The following TTLL9 variants were observed in gnomAD, a reference collection of about 807,000 sequenced individuals.
The protein encoded by TTLL9 is probable tubulin polyglutamylase TTLL9.
TTLL9 carries 47 observed loss-of-function variants against 65.6 expected under a neutral mutation model. The ratio of observed to expected loss-of-function variants is 0.72; its 90% CI spans 0.57 to 0.91. TTLL9 has a LOEUF of 0.91. Ranked by LOEUF, TTLL9 falls within the 40% of genes least tolerant of loss-of-function variation. The pLI is 0.00. For missense variants in TTLL9, 537 were observed against 568.8 expected, an observed-to-expected ratio of 0.94 and a Z score of 0.57; for synonymous variants, 179 against 204.8, an observed-to-expected ratio of 0.87 and a Z score of 1.07.
intron 2 of TTLL9, among the ~76,000 whole-genome samples, chr20:31,885,395 A>G (rs1392457433): frequency 2.6e-5 from 4 of 152,262 alleles, no homozygotes; most frequent in Admixed American, 2.6e-4. Flanking sequence ...TGCATGGTCA[A>G]TTGAATTGTG....
intron 6 of TTLL9, 23 bp from the exon 7 acceptor site, chr20:31,919,840 CT>C (rs144893358): frequency 0.04 from 63,513 of 1,574,712 alleles, 1,767 homozygotes; most frequent in African/African-American, 0.12. Flanking sequence ...TAAGAGCTGG[CT>C]TTCTGCCCCC....
At chr20:31,920,042 C>T in intron 7 of TTLL9, 110 bp downstream of exon 7, 1 of 1,010,436 alleles carries the variant, frequency 9.9e-7, no homozygotes, top group Non-Finnish European at 1.4e-6. Flanking sequence ...AGAAACTCTG[C>T]CCACAGGTCT....
intron 2 of TTLL9, among the ~76,000 whole-genome samples, chr20:31,886,666 A>G (rs1186350661): frequency 6.6e-6 from 1 of 152,180 alleles, no homozygotes; most frequent in East Asian, 1.9e-4. Flanking sequence ...TTAAAAATAC[A>G]AAATTGGCTG....
chr20:31,879,868 C>T (rs951916267), intron 2 of TTLL9: 16 of 1,550,358 alleles, frequency 1.0e-5, no homozygotes, highest in East Asian at 2.4e-5. Flanking sequence ...GATCTGGCCC[C>T]TGGGGAATCG....
chr20:31,911,133 C>T (rs960300373), intron 6 of TTLL9, among the ~76,000 whole-genome samples: 1 of 151,952 alleles, frequency 6.6e-6, no homozygotes, highest in Non-Finnish European at 1.5e-5. Flanking sequence ...CGAGATCGCC[C>T]CACTGCACTC....
At chr20:31,893,871 C>G (rs569779975) in intron 3 of TTLL9, among the ~76,000 whole-genome samples, 1 of 152,162 alleles carries the variant, frequency 6.6e-6, no homozygotes, top group Non-Finnish European at 1.5e-5. Flanking sequence ...CCATCTCTTT[C>G]TTGAACTTCA....
At chr20:31,879,676 A>G in intron 2 of TTLL9, 1 of 698,180 alleles carries the variant, frequency 1.4e-6, no homozygotes. Context: ...AAGGTTGAGG[A>G]AGTCGGGGGA....
chr20:31,884,927 GC>G (rs923423562), intron 2 of TTLL9, among the ~76,000 whole-genome samples: 1 of 152,092 alleles, frequency 6.6e-6, no homozygotes, highest in Admixed American at 6.6e-5. Flanking sequence ...TTTACTATCA[GC>G]AGGTAGAAAA....
intron 4 of TTLL9, chr20:31,901,500 T>C (rs1310475432): frequency 6.6e-6 from 1 of 152,188 alleles, no homozygotes; most frequent in Non-Finnish European, 1.5e-5. Flanking sequence ...ATCATGAAAA[T>C]GGTGTGCAAA....
intron 4 of TTLL9, among the ~76,000 whole-genome samples, chr20:31,900,790 G>T (rs1182104055): frequency 6.6e-6 from 1 of 152,166 alleles, no homozygotes; most frequent in East Asian, 1.9e-4. Flanking sequence ...GCAGGTGGGG[G>T]TGGTGTAGGG....
intron 10 of TTLL9, among the ~76,000 whole-genome samples, chr20:31,932,781 G>C (rs941498447): frequency 9.9e-5 from 15 of 152,110 alleles, no homozygotes; most frequent in African/African-American, 3.4e-4. Context: ...TGGATTACTT[G>C]AGGTCAGGAG....
intron 2 of TTLL9, among the ~76,000 whole-genome samples, chr20:31,872,330 A>G (rs926086620): frequency 4.6e-5 from 7 of 152,042 alleles, no homozygotes; most frequent in African/African-American, 1.4e-4. Context: ...GGGAGGATCA[A>G]TTGAGCCCAG....
At chr20:31,940,305 T>A (rs1325430968) in intron 14 of TTLL9, 1 of 152,270 alleles carries the variant, frequency 6.6e-6, no homozygotes, top group Non-Finnish European at 1.5e-5. Flanking sequence ...TTTCCGTTTT[T>A]TAAATTTGCA....
At chr20:31,927,547 T>C (rs1377599214) in intron 10 of TTLL9, among the ~76,000 whole-genome samples, 1 of 150,142 alleles carries the variant, frequency 6.7e-6, no homozygotes, top group Non-Finnish European at 1.5e-5. Context: ...GAAATGTTAG[T>C]GGATACAGAG....
At chr20:31,908,848 A>C (rs2063600518) in intron 5 of TTLL9, 146 bp downstream of exon 5, 1 of 694,138 alleles carries the variant, frequency 1.4e-6, no homozygotes, top group African/African-American at 1.8e-5. Flanking sequence ...AGACCTATGG[A>C]GAGCCAAATG....
chr20:31,930,440 A>G (rs2063989773), intron 10 of TTLL9, among the ~76,000 whole-genome samples: 1 of 152,276 alleles, frequency 6.6e-6, no homozygotes, highest in East Asian at 1.9e-4. Flanking sequence ...TATATCTTCT[A>G]TTACTAGGAA....
chr20:31,934,774 A>G lies in TTLL9; in HGVS notation c.890A>G (p.Asp297Gly). 1.2e-6 allele frequency: 2 copies of G among 1,613,640 alleles called. No individual in the cohort carries two copies. The highest frequency in any genetic ancestry group is 1.7e-6 in the Non-Finnish European group (2 of 1,180,024). Reference sequence around the variant, plus strand: ...GAGGCAGTGGAGACACTCTTCAGGGACATCGACAACATCTTTGTCAAAAGC... The same window carrying G: ...GAGGCAGTGGAGACACTCTTCAGGGGCATCGACAACATCTTTGTCAAAAGC... The part of the protein sequence containing the change: ...GPEAVETLFR[D>G]IDNIFVKSLQ... The change falls in exon 12 of 15, where the codon GAC (aspartate) becomes GGC (glycine). Residue 297 changes from aspartate to glycine, a missense_variant. Asp to Gly is a moderately conservative substitution (Grantham distance 94, BLOSUM62 -1). Around this residue, in one of 3 missense-constraint regions of TTLL9, gnomAD observed 205 missense variants for 225.9 expected, o/e 0.91. Transcript: ENST00000535842.
In TTLL9 at chr20:31,934,458, C is replaced by G. The variant is rs528101249; in HGVS notation, c.808-234C>G. The G allele has an allele frequency of 1.8e-5, 12 of 669,082 alleles. No individual in the cohort carries two copies. The East Asian group carries it at 3.2e-4, about 18-fold the overall frequency. 41.4% of individuals were successfully genotyped at this position (669,082 alleles called of 1,614,324 possible). ...GTCAGGCTCAGAAAAGGGGCCTACGCAGGCCATGTGGGCAGGGACTTCTGG... is the reference window on the plus strand; with the variant it reads ...GTCAGGCTCAGAAAAGGGGCCTACGGAGGCCATGTGGGCAGGGACTTCTGG... On this transcript the variant is annotated intron_variant, in intron 11 of 14. Transcript: ENST00000535842.
At chr20:31,905,273 C>T (rs1474051381) in intron 4 of TTLL9, among the ~76,000 whole-genome samples, 2 of 151,966 alleles carry the variant, frequency 1.3e-5, no homozygotes, top group Admixed American at 1.3e-4. Flanking sequence ...CGGGGTTTCA[C>T]CATGTTGGCC....
Sources: gnomAD v4.1 joint callset for allele counts (sites outside exome capture counted in the v4.1 genomes callset) on GRCh38, gnomAD v4.1.1 for gene constraint, gnomAD v4.1.1 regional missense constraint, MANE v1.5 for transcripts, NCBI Gene and HGNC (gene_info 2026-07-23, HGNC 2026-07-21) for gene names.